Variants in FBXW10B observed in about 807,000 individuals in gnomAD.
FBXW10B encodes F-box and WD repeat domain containing protein 10B.
chr17:15,612,590 C>T, the FBXW10B span: 8 of 1,482,424 alleles, frequency 5.4e-6, no homozygotes, highest in Non-Finnish European at 7.3e-6. Context: ...AGGAGTGTCA[C>T]CTGCCGTGAT....
chr17:15,566,573 GT>G, the FBXW10B span, among the ~76,000 whole-genome samples: 1 of 151,104 alleles, frequency 6.6e-6, no homozygotes, highest in Non-Finnish European at 1.5e-5. Context: ...GTTTGTTTTT[GT>G]TTTTGAGACG....
At chr17:15,566,953 T>A in the FBXW10B span, among the ~76,000 whole-genome samples, 2 of 151,808 alleles carry the variant, frequency 1.3e-5, no homozygotes, top group Admixed American at 1.3e-4. Flanking sequence ...CAGATGTGAT[T>A]TCAATGCTAC....
the FBXW10B span, among the ~76,000 whole-genome samples, chr17:15,600,763 T>C: frequency 5.3e-5 from 8 of 151,890 alleles, no homozygotes; most frequent in Admixed American, 5.2e-4. Context: ...AGATAATATA[T>C]TGTCGGCCGG....
At chr17:15,582,826 C>T in the FBXW10B span, among the ~76,000 whole-genome samples, 2 of 151,954 alleles carry the variant, frequency 1.3e-5, no homozygotes, top group East Asian at 1.9e-4. Context: ...GAGGAGGGCC[C>T]GCTCTCTGCT....
the FBXW10B span, among the ~76,000 whole-genome samples, chr17:15,587,783 G>A: frequency 3.9e-5 from 6 of 152,084 alleles, no homozygotes; most frequent in African/African-American, 1.4e-4. Context: ...GGAGTTGGCT[G>A]TTTTTAAAAC....
At chr17:15,589,162 G>A in the FBXW10B span, 1 of 1,612,658 alleles carries the variant, frequency 6.2e-7, no homozygotes, top group African/African-American at 1.3e-5. Flanking sequence ...TGTAGCACTT[G>A]GTTCGATTCC....
the FBXW10B span, among the ~76,000 whole-genome samples, chr17:15,600,063 A>G: frequency 6.6e-6 from 1 of 151,618 alleles, no homozygotes; most frequent in Non-Finnish European, 1.5e-5. Context: ...AAAAATACAA[A>G]ACATTAGCCG....
chr17:15,565,713 C>T, the FBXW10B span: 4 of 1,613,998 alleles, frequency 2.5e-6, no homozygotes, highest in African/African-American at 2.7e-5. Context: ...GGTGCTCCTT[C>T]TCCTCCTTCA....
At chr17:15,594,898 A>G in the FBXW10B span, 13 of 1,221,998 alleles carry the variant, frequency 1.1e-5, no homozygotes, top group Non-Finnish European at 2.2e-6. Context: ...AGTCTGCAAG[A>G]AAAGATACCA....
the FBXW10B span, among the ~76,000 whole-genome samples, chr17:15,616,519 T>A: frequency 2.0e-5 from 3 of 151,930 alleles, no homozygotes; most frequent in Admixed American, 1.3e-4. Context: ...AAGAGAAGGT[T>A]GTTGGTCCGG....
the FBXW10B span, among the ~76,000 whole-genome samples, chr17:15,612,254 T>C: frequency 6.6e-6 from 1 of 151,862 alleles, no homozygotes; most frequent in East Asian, 1.9e-4. Flanking sequence ...ACGCCTGTAA[T>C]CCCAGCACTT....
the FBXW10B span, among the ~76,000 whole-genome samples, chr17:15,610,094 T>C: frequency 6.6e-6 from 1 of 152,118 alleles, no homozygotes; most frequent in Admixed American, 6.5e-5. Flanking sequence ...ACTCCTGACC[T>C]CAGGTGATCC....
At chr17:15,599,599 CAA>C in the FBXW10B span, among the ~76,000 whole-genome samples, 1 of 148,710 alleles carries the variant, frequency 6.7e-6, no homozygotes, top group Admixed American at 6.8e-5. Context: ...GATCTGCAAA[CAA>C]GAGCAACAGA....
the FBXW10B span, chr17:15,619,399 G>A: frequency 1.2e-6 from 2 of 1,613,886 alleles, no homozygotes; most frequent in Non-Finnish European, 1.7e-6. Context: ...TGGTAGAGAA[G>A]ATCTTCCAGG....
chr17:15,612,843 C>T, the FBXW10B span: 1 of 1,601,008 alleles, frequency 6.2e-7, no homozygotes, highest in African/African-American at 1.4e-5. Flanking sequence ...CAAAAAAAAA[C>T]CAAAAATAAA....
the FBXW10B span, among the ~76,000 whole-genome samples, chr17:15,587,969 A>G: frequency 6.6e-6 from 1 of 152,210 alleles, no homozygotes; most frequent in Non-Finnish European, 1.5e-5. Context: ...TTCTCAAGAA[A>G]GAATAAATAA....
At chr17:15,598,181 C>T in the FBXW10B span, among the ~76,000 whole-genome samples, 1 of 152,040 alleles carries the variant, frequency 6.6e-6, no homozygotes, top group Admixed American at 6.6e-5. Flanking sequence ...TGTTCATGGA[C>T]TTATTATATT....
the FBXW10B span, among the ~76,000 whole-genome samples, chr17:15,581,135 A>T: frequency 6.6e-6 from 1 of 152,202 alleles, no homozygotes; most frequent in Admixed American, 6.5e-5. Flanking sequence ...GAAACCAAGG[A>T]CCAGAGAGGT....
chr17:15,598,697 C>T, the FBXW10B span: 2 of 1,591,490 alleles, frequency 1.3e-6, no homozygotes, highest in African/African-American at 1.4e-5. Context: ...CCTGAGGGCC[C>T]AAAGGATCAT....
Sources: gnomAD v4.1 joint callset for allele counts (sites outside exome capture counted in the v4.1 genomes callset) on GRCh38, gnomAD v4.1.1 for gene constraint, MANE v1.5 for transcripts, NCBI Gene and HGNC (gene_info 2026-07-23, HGNC 2026-07-21) for gene names.